CEP192: variants seen among roughly 807,000 people sequenced by gnomAD.
CEP192 encodes the protein centrosomal protein of 192 kDa.
In CEP192, 151 loss-of-function variants were observed where a neutral mutation model predicts 271.8. The ratio of observed to expected loss-of-function variants is 0.56; its 90% CI spans 0.49 to 0.64. CEP192 has a LOEUF of 0.64. CEP192 is among the 30% of genes least tolerant of loss of function. The pLI, the probability that CEP192 is intolerant of heterozygous loss-of-function variation, is 0.00. For synonymous variants in CEP192, 995 were observed against 1,076.5 expected, an observed-to-expected ratio of 0.92 and a Z score of 1.48; for missense variants, 2,910 against 3,020.5, an observed-to-expected ratio of 0.96 and a Z score of 0.86.
intron 30 of CEP192, among the ~76,000 whole-genome samples, chr18:13,085,217 T>C (rs904765483): frequency 4.1e-4 from 62 of 152,184 alleles, no homozygotes; most frequent in African/African-American, 1.5e-3. Context: ...TCTGTTCATA[T>C]CCTTTGCCCA....
At chr18:13,045,335 C>T (rs563178852) in intron 15 of CEP192, among the ~76,000 whole-genome samples, 2 of 152,080 alleles carry the variant, frequency 1.3e-5, no homozygotes, top group South Asian at 2.1e-4. Flanking sequence ...GCTTTTTCAG[C>T]GGTGTAAGTG....
chr18:13,105,306 A>T (rs972110539), intron 40 of CEP192, among the ~76,000 whole-genome samples: 1 of 152,226 alleles, frequency 6.6e-6, no homozygotes, highest in Non-Finnish European at 1.5e-5. Flanking sequence ...AAGACCACAG[A>T]CTGCCAGTGC....
At chr18:13,079,615 C>T (rs1385035605) in intron 30 of CEP192, among the ~76,000 whole-genome samples, 6 of 152,056 alleles carry the variant, frequency 3.9e-5, no homozygotes, top group Admixed American at 6.6e-5. Context: ...TAACTTCTTT[C>T]GCTGTGCAGA....
At chr18:13,014,253 G>A (rs1223658405) in intron 5 of CEP192, among the ~76,000 whole-genome samples, 1 of 152,160 alleles carries the variant, frequency 6.6e-6, no homozygotes, top group African/African-American at 2.4e-5. Context: ...AATAATATAA[G>A]GGACCTTAAA....
At position 13,072,741 on chromosome 18, in the gene CEP192, C is replaced by G. The variant is rs1448926474; in HGVS notation, c.5349-14C>G. 2.0e-6 allele frequency: 3 copies of G among 1,531,584 alleles called. No homozygotes were observed. In the African/African-American group the frequency reaches 4.1e-5, roughly 21 times the overall value. The allele number at this position is 1,531,584 out of a possible 1,614,324, so 94.9% of individuals were successfully genotyped here. On this transcript the variant is annotated splice_polypyrimidine_tract_variant and intron_variant, in intron 28 of 44. Coordinates refer to ENST00000506447, the MANE Select transcript of CEP192 (RefSeq NM_032142.4). ...TGGAGAAAAACCATATTTAAAATGT[C>G]TAATTGTTTTTAGGCTTCAGAAACT...
At chr18:13,082,994 T>TTA (rs1264406962) in intron 30 of CEP192, among the ~76,000 whole-genome samples, 8 of 152,352 alleles carry the variant, frequency 5.3e-5, no homozygotes, top group African/African-American at 1.7e-4. Context: ...AGATCAGCTG[T>TTA]TAGTCTGATG....
At chr18:13,116,532 G>T in intron 43 of CEP192, 29 bp downstream of exon 43, 1 of 1,561,056 alleles carries the variant, frequency 6.4e-7, no homozygotes, top group Non-Finnish European at 8.7e-7. Flanking sequence ...TATGGGTTTT[G>T]GAAAAATACA....
rs146992330 is a variant in CEP192, at chr18:12,992,430, G to T, written c.-5+993G>T. On this transcript the variant is annotated intron_variant, in intron 1 of 44. Coordinates refer to ENST00000506447, the MANE Select transcript of CEP192 (RefSeq NM_032142.4). ...GACCTACGATTAATGACTATAGTCA[G>T]TAATCTTTTATGTACCTAGGAATGT... Among the ~76,000 whole-genome samples, 905 of 152,300 alleles carry T rather than the reference G, an allele frequency of 5.9e-3. 9 individuals are homozygous for T. Among genetic ancestry groups the T allele is most frequent in the African/African-American group, 0.021 (870 of 41,574 alleles).
chr18:13,086,490 C>T (rs138032088), intron 30 of CEP192, among the ~76,000 whole-genome samples: 81 of 152,254 alleles, frequency 5.3e-4, no homozygotes, highest in Admixed American at 1.1e-3. Flanking sequence ...CACCCTGCTT[C>T]GGCTCACCCT....
At chr18:13,064,428 C>G (rs2037575201) in intron 21 of CEP192, among the ~76,000 whole-genome samples, 1 of 151,696 alleles carries the variant, frequency 6.6e-6, no homozygotes, top group African/African-American at 2.4e-5. Flanking sequence ...CTGGCTAACA[C>G]AGTTGAACCC....
chr18:13,026,679 A>G (rs967518661), intron 9 of CEP192, among the ~76,000 whole-genome samples: 3 of 152,180 alleles, frequency 2.0e-5, no homozygotes, highest in Admixed American at 6.5e-5. Flanking sequence ...CAATGAGCCC[A>G]GCGTAGACAT....
At position 13,068,825 on chromosome 18, in the gene CEP192, A is replaced by G. The variant is rs745575708; in HGVS notation, c.4823-27A>G. The G allele has an allele frequency of 3.7e-6, 6 of 1,613,680 alleles. No individual in the cohort carries two copies. In the African/African-American group the frequency reaches 5.3e-5, roughly 14 times the overall value. On this transcript the variant is annotated intron_variant, in intron 24 of 44. Transcript: ENST00000506447. ...AGAATTAAATAACTCTCTGGTCTCC[A>G]AGCTAAAAGAATGAACTTTTTTTTA... is the stretch of plus-strand genomic sequence containing the variant.
intron 11 of CEP192, among the ~76,000 whole-genome samples, chr18:13,035,899 G>A (rs2035891251): frequency 1.3e-5 from 2 of 152,098 alleles, no homozygotes; most frequent in Non-Finnish European, 2.9e-5. Context: ...AATCCTAGCC[G>A]TTTGGGAAGC....
intron 36 of CEP192, among the ~76,000 whole-genome samples, chr18:13,096,901 G>A (rs2039428520): frequency 6.6e-6 from 1 of 152,156 alleles, no homozygotes; most frequent in Non-Finnish European, 1.5e-5. Flanking sequence ...TTGATAGGTG[G>A]GAAAGCCACA....
At position 13,056,396 on chromosome 18, in the gene CEP192, T is replaced by TC; in HGVS notation, c.3809dup (p.Ser1271PhefsTer60). 3.1e-6 allele frequency: 5 copies of TC among 1,614,214 alleles called. No individual in the cohort carries two copies. Among genetic ancestry groups the TC allele is most frequent in the Non-Finnish European group, 4.2e-6 (5 of 1,180,034 alleles). On this transcript the variant is annotated frameshift_variant, in exon 19 of 45. Transcript: ENST00000506447. LOFTEE classifies it high-confidence loss of function. ...TTTGCTCAGCGGTATTTGGGAACAC[T>TC]CCCTTCAACTGGAAGCACCACCTTG... is the stretch of plus-strand genomic sequence containing the variant.
At chr18:13,082,774 C>T (rs1369473625) in intron 30 of CEP192, among the ~76,000 whole-genome samples, 1 of 152,116 alleles carries the variant, frequency 6.6e-6, no homozygotes, top group Non-Finnish European at 1.5e-5. Flanking sequence ...TGTTCCTTTC[C>T]ATGTTTAGTG....
At chr18:13,067,408 G>A (rs752402954) in intron 21 of CEP192, among the ~76,000 whole-genome samples, 16 of 152,070 alleles carry the variant, frequency 1.1e-4, no homozygotes, top group Non-Finnish European at 2.4e-4. Flanking sequence ...ATAGGCACTT[G>A]TTTTAAACTT....
In CEP192 at chr18:12,997,694, T is replaced by C. The variant is rs544111199; in HGVS notation, c.-4-1727T>C. Reference sequence around the variant, plus strand: ...AGTTTCTGCTTACACATTCTTTAATTTCTTTTAACTCCTATTCCAAAACAA... The same window carrying C: ...AGTTTCTGCTTACACATTCTTTAATCTCTTTTAACTCCTATTCCAAAACAA... On this transcript the variant is annotated intron_variant, in intron 1 of 44. Coordinates refer to ENST00000506447, the MANE Select transcript of CEP192 (RefSeq NM_032142.4). Among the ~76,000 whole-genome samples, 7 of 152,312 alleles carry C rather than the reference T, an allele frequency of 4.6e-5. No homozygotes were observed. In the South Asian group the frequency reaches 1.4e-3, roughly 32 times the overall value.
At chr18:13,092,762 C>T (rs537769618) in intron 34 of CEP192, among the ~76,000 whole-genome samples, 21 of 152,238 alleles carry the variant, frequency 1.4e-4, no homozygotes, top group Admixed American at 3.3e-4. Flanking sequence ...CAGTTTACCA[C>T]CTTTACCTTA....
Sources: gnomAD v4.1 joint callset for allele counts (sites outside exome capture counted in the v4.1 genomes callset) on GRCh38, gnomAD v4.1.1 for gene constraint, MANE v1.5 for transcripts, NCBI Gene and HGNC (gene_info 2026-07-23, HGNC 2026-07-21) for gene names.